Variants in EIF4E3 observed in about 807,000 individuals in gnomAD.
EIF4E3 encodes the protein eukaryotic translation initiation factor 4E family member 3.
A neutral mutation model predicts 31.7 loss-of-function variants in EIF4E3; 26 were observed. The observed-to-expected ratio is 0.82, with a 90% CI of 0.60 to 1.14. The LOEUF (loss-of-function observed/expected upper bound fraction) is 1.14, where lower values mean the gene tolerates loss of function less well. Ranked by LOEUF, EIF4E3 falls within the 50% of genes most tolerant of loss-of-function variation. The pLI is 0.00. For synonymous variants in EIF4E3, 128 were observed against 107.7 expected, an observed-to-expected ratio of 1.19 and a Z score of -1.17; for missense variants, 304 against 270.9, an observed-to-expected ratio of 1.12 and a Z score of -0.86.
At position 71,687,607 on chromosome 3, in the gene EIF4E3, A is replaced by G. The variant is rs530388505; in HGVS notation, c.628+2403T>C. On this transcript the variant is annotated intron_variant, in intron 6 of 6. Transcript: ENST00000425534. ...ACACCAGAAAAGACCTTTGTCACTC[A>G]GCTGTTCTGAAGAACTTAGCAGAAT... 9.2e-5 allele frequency among the ~76,000 whole-genome samples: 14 copies of G among 152,350 alleles called. No individual in the cohort carries two copies. In the South Asian group the frequency reaches 2.9e-3, roughly 32 times the overall value.
At chr3:71,708,619 G>A (rs1240857450) in intron 2 of EIF4E3, among the ~76,000 whole-genome samples, 1 of 151,976 alleles carries the variant, frequency 6.6e-6, no homozygotes. Context: ...CCCCTCATCT[G>A]ACTAGTGTCA....
At chr3:71,661,153 T>G in the EIF4E3 span, among the ~76,000 whole-genome samples, 29 of 150,520 alleles carry the variant, frequency 1.9e-4, no homozygotes, top group Non-Finnish European at 3.2e-4. Context: ...CTAGATGGCA[T>G]TTTTCCTTCA....
chr3:71,739,078 T>C (rs553546511), intron 1 of EIF4E3, among the ~76,000 whole-genome samples: 1 of 146,204 alleles, frequency 6.8e-6, no homozygotes, highest in Non-Finnish European at 1.5e-5. Context: ...ATACAACATA[T>C]TAAAGCATGT....
chr3:71,694,699 A>G (rs1042141386), intron 4 of EIF4E3, among the ~76,000 whole-genome samples: 1 of 152,106 alleles, frequency 6.6e-6, no homozygotes, highest in East Asian at 1.9e-4. Flanking sequence ...ATTGCCCCCA[A>G]ACTAGGTTTG....
intron 3 of EIF4E3, among the ~76,000 whole-genome samples, chr3:71,697,830 T>C (rs1008172398): frequency 3.9e-5 from 6 of 152,234 alleles, no homozygotes; most frequent in African/African-American, 1.4e-4. Flanking sequence ...GACACTTAGG[T>C]TGATTCCATA....
At chr3:71,724,531 G>T (rs1183575058) in intron 1 of EIF4E3, among the ~76,000 whole-genome samples, 2 of 152,208 alleles carry the variant, frequency 1.3e-5, no homozygotes, top group Non-Finnish European at 2.9e-5. Context: ...GTTGTCCCTT[G>T]AGAAAGCCAT....
rs565739543 is a variant in EIF4E3, at chr3:71,679,637, T to G, written c.*5045A>C. The G allele has an allele frequency of 3.3e-5, 5 of 152,330 alleles. No homozygotes were observed. Among genetic ancestry groups the G allele is most frequent in the East Asian group, 3.9e-4 (2 of 5,192 alleles). The allele number at this position is 152,330 out of a possible 1,614,324, so 9.4% of individuals were successfully genotyped here. ...ATGATGAACAAAAAAATACTGACTTTGCAATGACTTTTGCTTATCACTCAC... is the reference window on the plus strand; with the variant it reads ...ATGATGAACAAAAAAATACTGACTTGGCAATGACTTTTGCTTATCACTCAC... On this transcript the variant is annotated 3_prime_UTR_variant, in exon 7 of 7. Transcript: ENST00000425534.
chr3:71,722,093 CGGGG>C (rs68108146), intron 1 of EIF4E3, among the ~76,000 whole-genome samples: 1 of 38,226 alleles, frequency 2.6e-5, no homozygotes, highest in Non-Finnish European at 7.9e-5. Flanking sequence ...GGCTTTTCCT[CGGGG>C]GGGCGGGGGT....
At chr3:71,739,345 G>T (rs1345856512) in intron 1 of EIF4E3, among the ~76,000 whole-genome samples, 3 of 151,958 alleles carry the variant, frequency 2.0e-5, no homozygotes, top group Non-Finnish European at 4.4e-5. Context: ...GAGAAATAGA[G>T]ATGTTTTCAG....
chr3:71,736,977 A>G (rs1444919477), intron 1 of EIF4E3, among the ~76,000 whole-genome samples: 2 of 152,354 alleles, frequency 1.3e-5, no homozygotes, highest in Non-Finnish European at 2.9e-5. Flanking sequence ...CTAAAAAAAG[A>G]AAGTCTATTA....
At chr3:71,737,533 A>AATC (rs200403615) in intron 1 of EIF4E3, among the ~76,000 whole-genome samples, 1,704 of 152,288 alleles carry the variant, frequency 0.011, 36 homozygotes, top group African/African-American at 0.037. Flanking sequence ...AATGAACTCC[A>AATC]ATCACAAAAA....
intron 2 of EIF4E3, among the ~76,000 whole-genome samples, chr3:71,709,745 T>C (rs1405026585): frequency 1.3e-5 from 2 of 152,186 alleles, no homozygotes; most frequent in African/African-American, 4.8e-5. Context: ...AAAGAACTAA[T>C]AGAACTAAGA....
the EIF4E3 span, among the ~76,000 whole-genome samples, chr3:71,662,142 A>T: frequency 6.6e-6 from 1 of 152,116 alleles, no homozygotes; most frequent in African/African-American, 2.4e-5. Context: ...ACTGGCCTCC[A>T]CCTCCAAGGA....
chr3:71,667,287 CCAATATCATACTGAATGGG>C, the EIF4E3 span, among the ~76,000 whole-genome samples: 1,627 of 152,216 alleles, frequency 0.011, 19 homozygotes, highest in Non-Finnish European at 0.016. Context: ...AGACCCATAG[CCAATATCATACTGAATGGG>C]CAAAAGCTGG....
chr3:71,721,428 AT>A (rs1217348941), intron 1 of EIF4E3, among the ~76,000 whole-genome samples: 1 of 152,112 alleles, frequency 6.6e-6, no homozygotes, highest in East Asian at 1.9e-4. Flanking sequence ...TGCTTGCGCC[AT>A]TTCATAACAG....
intron 1 of EIF4E3, among the ~76,000 whole-genome samples, chr3:71,722,447 G>C (rs191414611): frequency 1.3e-5 from 2 of 152,194 alleles, no homozygotes; most frequent in Admixed American, 1.3e-4. Context: ...GAGGCGAGCG[G>C]GTCACCATAA....
At chr3:71,753,575 G>A (rs1240660811) in exon 1 of EIF4E3, 1 of 150,294 alleles carries the variant, frequency 6.7e-6, no homozygotes, top group African/African-American at 2.4e-5. Context: ...CCGGGCCCAG[G>A]CGGTGCGGGA....
At chr3:71,694,508 C>T (rs1195032278) in intron 4 of EIF4E3, among the ~76,000 whole-genome samples, 1 of 152,116 alleles carries the variant, frequency 6.6e-6, no homozygotes, top group Non-Finnish European at 1.5e-5. Flanking sequence ...TATGTAATTT[C>T]CCTGGAAGAT....
At chr3:71,727,210 A>T (rs72951298), upstream of EIF4E3, among the ~76,000 whole-genome samples, 1,875 of 152,334 alleles carry the variant, frequency 0.012, 43 homozygotes, top group African/African-American at 0.043. Context: ...TCCCAAGACT[A>T]TCAATCTTCA....
Sources: gnomAD v4.1 joint callset for allele counts (sites outside exome capture counted in the v4.1 genomes callset) on GRCh38, gnomAD v4.1.1 for gene constraint, MANE v1.5 for transcripts, NCBI Gene and HGNC (gene_info 2026-07-23, HGNC 2026-07-21) for gene names.